MSANTD5: variants seen among roughly 807,000 people sequenced by gnomAD.
MSANTD5 encodes uncharacterized protein MSANTD5.
chr5:178,696,827 C>A (rs1765417697), intron 1 of MSANTD5, among the ~76,000 whole-genome samples: 1 of 151,906 alleles, frequency 6.6e-6, no homozygotes, highest in Non-Finnish European at 1.5e-5. Flanking sequence ...AGAGAGAGCT[C>A]TGTGGATCTA....
intron 1 of MSANTD5, 45 bp downstream of exon 1, chr5:178,697,531 AAGCCAACCCC>A (rs1765432359): frequency 6.6e-6 from 1 of 152,268 alleles, no homozygotes; most frequent in Non-Finnish European, 1.5e-5. Flanking sequence ...AATGAAATGA[AAGCCAACCCC>A]AGCCATCCTC....
At chr5:178,704,423 G>A in the MSANTD5 span, among the ~76,000 whole-genome samples, 1 of 152,140 alleles carries the variant, frequency 6.6e-6, no homozygotes, top group African/African-American at 2.4e-5. Flanking sequence ...CCTGAAGAAG[G>A]AGCTAGAAGG....
downstream of MSANTD5, among the ~76,000 whole-genome samples, chr5:178,693,731 G>C (rs1765380714): frequency 1.3e-5 from 2 of 151,940 alleles, no homozygotes; most frequent in Non-Finnish European, 2.9e-5. Flanking sequence ...ACAGAGTGCT[G>C]ATTGGTCCAT....
At chr5:178,705,149 A>G in the MSANTD5 span, among the ~76,000 whole-genome samples, 2 of 152,106 alleles carry the variant, frequency 1.3e-5, no homozygotes, top group Non-Finnish European at 2.9e-5. Flanking sequence ...CCCAAGTTCA[A>G]GCAATTCTCC....
At chr5:178,699,639 G>A (rs1317084025), upstream of MSANTD5, among the ~76,000 whole-genome samples, 1 of 152,104 alleles carries the variant, frequency 6.6e-6, no homozygotes, top group Admixed American at 6.6e-5. Flanking sequence ...TTGAACTCCC[G>A]GCCTCAGGTG....
At chr5:178,706,634 G>A in the MSANTD5 span, among the ~76,000 whole-genome samples, 18,953 of 151,670 alleles carry the variant, frequency 0.12, 1,352 homozygotes, top group African/African-American at 0.18. Flanking sequence ...TCTCCCTTAG[G>A]TGAGACAGGA....
chr5:178,694,650 T>TGTTTTTCA (rs1360515625), exon 4 of MSANTD5: 2 of 152,254 alleles, frequency 1.3e-5, no homozygotes, highest in African/African-American at 4.8e-5. Flanking sequence ...CAGATTGTGC[T>TGTTTTTCA]GTTTTTCAGT....
chr5:178,703,850 G>A, the MSANTD5 span, among the ~76,000 whole-genome samples: 5 of 151,368 alleles, frequency 3.3e-5, no homozygotes, highest in East Asian at 7.8e-4. Flanking sequence ...GCATGGTGGC[G>A]CGTGCCCATA....
At chr5:178,703,938 G>A in the MSANTD5 span, among the ~76,000 whole-genome samples, 1 of 146,374 alleles carries the variant, frequency 6.8e-6, no homozygotes, top group East Asian at 2.0e-4. Flanking sequence ...CCGAGATCAC[G>A]CCACTGCACT....
exon 3 of MSANTD5, chr5:178,695,378 G>C (rs1436764830): frequency 6.6e-6 from 1 of 152,254 alleles, no homozygotes; most frequent in Non-Finnish European, 1.5e-5. Context: ...TTGGCCTCTG[G>C]TTGGCCTCCT....
chr5:178,696,232 C>CA (rs1561609016), intron 1 of MSANTD5, 51 bp from the exon 2 acceptor site: 1 of 87,722 alleles, frequency 1.1e-5, no homozygotes. Flanking sequence ...CTCTCTCTCT[C>CA]TTTTTTTTTG....
downstream of MSANTD5, among the ~76,000 whole-genome samples, chr5:178,692,042 C>T (rs1409547073): frequency 1.7e-5 from 2 of 116,226 alleles, no homozygotes; most frequent in East Asian, 2.1e-4. Flanking sequence ...TAGAATGACA[C>T]GGCCATCTGG....
downstream of MSANTD5, among the ~76,000 whole-genome samples, chr5:178,692,101 C>T (rs547557983): frequency 7.6e-6 from 1 of 131,414 alleles, no homozygotes; most frequent in East Asian, 2.0e-4. Flanking sequence ...AAAATTAGGC[C>T]AGGCGCTGTG....
At chr5:178,702,809 G>A in the MSANTD5 span, among the ~76,000 whole-genome samples, 1 of 152,062 alleles carries the variant, frequency 6.6e-6, no homozygotes, top group Non-Finnish European at 1.5e-5. Flanking sequence ...ATGTTGGCCA[G>A]GCTGGTCTCG....
downstream of MSANTD5, among the ~76,000 whole-genome samples, chr5:178,692,379 CAAA>C (rs60186176): frequency 6.7e-5 from 8 of 118,650 alleles, no homozygotes; most frequent in Admixed American, 8.6e-5. Context: ...GACTCCATCT[CAAA>C]AAAAAAAAAA....
chr5:178,692,340 G>A (rs1414456784), downstream of MSANTD5, among the ~76,000 whole-genome samples: 4 of 148,122 alleles, frequency 2.7e-5, no homozygotes, highest in Non-Finnish European at 4.4e-5. Context: ...AGATTGCACC[G>A]CTGCACTCTA....
chr5:178,699,423 T>C (rs1765453310), upstream of MSANTD5, among the ~76,000 whole-genome samples: 1 of 141,916 alleles, frequency 7.0e-6, no homozygotes, highest in Non-Finnish European at 1.5e-5. Flanking sequence ...GATAGCCTAT[T>C]TTCTTTCCTT....
At chr5:178,705,700 T>C in the MSANTD5 span, among the ~76,000 whole-genome samples, 13 of 152,174 alleles carry the variant, frequency 8.5e-5, no homozygotes, top group African/African-American at 3.1e-4. Context: ...CTCACGTCTG[T>C]AATCCCCACC....
chr5:178,696,746 T>G, intron 1 of MSANTD5, among the ~76,000 whole-genome samples: 2 of 149,602 alleles, frequency 1.3e-5, no homozygotes, highest in African/African-American at 2.5e-5. Flanking sequence ...TTGGGGAGAG[T>G]CTGCTGGACC....
Sources: gnomAD v4.1 joint callset for allele counts (sites outside exome capture counted in the v4.1 genomes callset) on GRCh38, gnomAD v4.1.1 for gene constraint, MANE v1.5 for transcripts, NCBI Gene and HGNC (gene_info 2026-07-23, HGNC 2026-07-21) for gene names.